ST6GALNAC3: variants seen among roughly 807,000 people sequenced by gnomAD.
ST6GALNAC3 encodes the protein ST6 N-acetylgalactosaminide alpha-2,6-sialyltransferase 3.
ST6GALNAC3 carries 25 observed loss-of-function variants against 32.7 expected under a neutral mutation model. The observed-to-expected ratio is 0.76, with a 90% CI of 0.56 to 1.07. The LOEUF (loss-of-function observed/expected upper bound fraction) is 1.07. ST6GALNAC3 is among the 50% of genes least tolerant of loss of function. The pLI, the probability that ST6GALNAC3 is intolerant of heterozygous loss-of-function variation, is 0.00. For synonymous variants in ST6GALNAC3, 129 were observed against 133.1 expected, an observed-to-expected ratio of 0.97 and a Z score of 0.21; for missense variants, 355 against 382.4, an observed-to-expected ratio of 0.93 and a Z score of 0.60.
At chr1:76,501,671 C>T (rs866682241) in intron 3 of ST6GALNAC3, among the ~76,000 whole-genome samples, 1 of 152,064 alleles carries the variant, frequency 6.6e-6, no homozygotes, top group Admixed American at 6.5e-5. Context: ...AATAAGGACA[C>T]CTCAAAAGGA....
intron 1 of ST6GALNAC3, among the ~76,000 whole-genome samples, chr1:76,259,993 C>CTTCTTT (rs1019852879): frequency 6.6e-6 from 1 of 151,992 alleles, no homozygotes; most frequent in Non-Finnish European, 1.5e-5. Flanking sequence ...CTTTCTTCTT[C>CTTCTTT]TTCTTTTTCT....
rs34464699 is a variant in ST6GALNAC3 at position 76,547,861 on chromosome 1, CAAA to C, written c.624-79574_624-79572del. On this transcript the variant is annotated intron_variant, in intron 3 of 4. Transcript: ENST00000328299. The stretch of plus-strand genomic sequence containing the variant: ...CCAGCGACAATGCGAGATTCTGTCT[CAAA>C]AAAAAAAAAAAAAAAATCAACCACA... Among the ~76,000 whole-genome samples, 1,071 of 123,328 alleles carry C rather than the reference CAAA, an allele frequency of 8.7e-3. 20 individuals carry two copies. Among genetic ancestry groups the C allele is most frequent in the African/African-American group, 0.032 (1,003 of 31,298 alleles). 80.9% of individuals were successfully genotyped at this position (123,328 alleles called of 152,430 possible).
At chr1:76,445,993 C>A (rs1656941584) in intron 3 of ST6GALNAC3, among the ~76,000 whole-genome samples, 1 of 152,174 alleles carries the variant, frequency 6.6e-6, no homozygotes. Flanking sequence ...TCTCTCATGT[C>A]TCTCAACACC....
At chr1:76,453,514 C>T (rs1334082406) in intron 3 of ST6GALNAC3, among the ~76,000 whole-genome samples, 1 of 151,916 alleles carries the variant, frequency 6.6e-6, no homozygotes, top group Non-Finnish European at 1.5e-5. Flanking sequence ...TTTAAATTTC[C>T]ATCTTGATTT....
At chr1:76,387,956 G>A (rs564657063) in intron 2 of ST6GALNAC3, among the ~76,000 whole-genome samples, 2 of 152,222 alleles carry the variant, frequency 1.3e-5, no homozygotes, top group African/African-American at 4.8e-5. Flanking sequence ...TGGGTTTCAA[G>A]GTGAGTCTCC....
intron 1 of ST6GALNAC3, among the ~76,000 whole-genome samples, chr1:76,268,961 C>T (rs972348928): frequency 6.6e-6 from 1 of 152,180 alleles, no homozygotes; most frequent in African/African-American, 2.4e-5. Flanking sequence ...CACTTTATGC[C>T]GCCTTGTCTT....
At chr1:76,330,647 T>G (rs183904707) in intron 2 of ST6GALNAC3, among the ~76,000 whole-genome samples, 1 of 152,322 alleles carries the variant, frequency 6.6e-6, no homozygotes, top group East Asian at 1.9e-4. Context: ...TTGCCAGATA[T>G]CCACTTAGTC....
At chr1:76,325,918 CT>C (rs962424034) in intron 2 of ST6GALNAC3, among the ~76,000 whole-genome samples, 1 of 151,468 alleles carries the variant, frequency 6.6e-6, no homozygotes, top group African/African-American at 2.4e-5. Flanking sequence ...TTTTGCTCAT[CT>C]TTTTTCAGAA....
At chr1:76,502,821 C>T (rs936243104) in intron 3 of ST6GALNAC3, among the ~76,000 whole-genome samples, 9 of 152,252 alleles carry the variant, frequency 5.9e-5, no homozygotes, top group South Asian at 2.1e-4. Flanking sequence ...TAGCTCCAAA[C>T]GTACACCTGC....
chr1:76,383,751 A>C (rs1651893157), intron 2 of ST6GALNAC3, among the ~76,000 whole-genome samples: 1 of 152,248 alleles, frequency 6.6e-6, no homozygotes, highest in Non-Finnish European at 1.5e-5. Context: ...ATGCATTAAT[A>C]GCCAAAAATG....
At chr1:76,184,006 A>G (rs552261580) in intron 1 of ST6GALNAC3, among the ~76,000 whole-genome samples, 20 of 151,740 alleles carry the variant, frequency 1.3e-4, no homozygotes, top group African/African-American at 4.3e-4. Context: ...GTATTAGTCT[A>G]TCTTGTTTCT....
chr1:76,599,749 T>C (rs1647193092), intron 3 of ST6GALNAC3, among the ~76,000 whole-genome samples: 4 of 151,712 alleles, frequency 2.6e-5, no homozygotes, highest in African/African-American at 7.3e-5. Context: ...TGTGTGTGTG[T>C]GTGTGTGTGT....
chr1:76,591,375 A>G (rs1428113786), intron 3 of ST6GALNAC3, among the ~76,000 whole-genome samples: 1 of 152,174 alleles, frequency 6.6e-6, no homozygotes, highest in East Asian at 1.9e-4. Context: ...TTTTGATTCA[A>G]AAGTCTGGGG....
intron 1 of ST6GALNAC3, among the ~76,000 whole-genome samples, chr1:76,225,886 A>G (rs896719842): frequency 6.6e-6 from 1 of 152,128 alleles, no homozygotes; most frequent in African/African-American, 2.4e-5. Context: ...ATTACTTACT[A>G]GCCTCATTTC....
At chr1:76,441,877 A>G (rs1195581601) in intron 3 of ST6GALNAC3, among the ~76,000 whole-genome samples, 1 of 152,188 alleles carries the variant, frequency 6.6e-6, no homozygotes, top group Non-Finnish European at 1.5e-5. Context: ...CTGAGGACAC[A>G]TATTAAAAGG....
At chr1:76,284,507 A>G (rs1659669011) in intron 1 of ST6GALNAC3, among the ~76,000 whole-genome samples, 2 of 152,162 alleles carry the variant, frequency 1.3e-5, no homozygotes. Flanking sequence ...CAACATTAAG[A>G]TAAATTTTAT....
chr1:76,449,054 C>G (rs1378182966), intron 3 of ST6GALNAC3, among the ~76,000 whole-genome samples: 1 of 152,124 alleles, frequency 6.6e-6, no homozygotes, highest in Admixed American at 6.5e-5. Flanking sequence ...AACTCCTGAC[C>G]TTGTGATCTG....
intron 1 of ST6GALNAC3, among the ~76,000 whole-genome samples, chr1:76,119,744 G>A (rs1184018529): frequency 1.2e-5 from 1 of 80,806 alleles, no homozygotes; most frequent in Non-Finnish European, 2.7e-5. Flanking sequence ...CATTTAGTGA[G>A]TACAGAGTCC....
rs1171407084 is a variant in ST6GALNAC3, at chr1:76,630,319, T to C, written c.*1513T>C. On this transcript the variant is annotated 3_prime_UTR_variant, in exon 5 of 5. Coordinates refer to ENST00000328299, the MANE Select transcript of ST6GALNAC3 (RefSeq NM_152996.4). ...TAAGTAGTTTTGAGAAGTTTTTCTA[T>C]ATACGTATATATACACGTGTGGTTC... 1.2e-5 allele frequency: 12 copies of C among 985,078 alleles called. No homozygotes were observed. Among genetic ancestry groups the C allele is most frequent in the Admixed American group, 1.2e-4 (2 of 16,230 alleles). The allele number at this position is 985,078 out of a possible 1,614,324, so 61.0% of individuals were successfully genotyped here.
Sources: gnomAD v4.1 joint callset for allele counts (sites outside exome capture counted in the v4.1 genomes callset) on GRCh38, gnomAD v4.1.1 for gene constraint, MANE v1.5 for transcripts, NCBI Gene and HGNC (gene_info 2026-07-23, HGNC 2026-07-21) for gene names.